RBFOX1: variants seen among roughly 807,000 people sequenced by gnomAD.
RBFOX1 encodes the protein RNA binding protein fox-1 homolog 1.
RBFOX1 carries 8 observed loss-of-function variants against 57.7 expected under a neutral mutation model. The ratio of observed to expected loss-of-function variants is 0.14; its 90% CI spans 0.08 to 0.25. RBFOX1 has a LOEUF of 0.25. Among genes scored for constraint, RBFOX1 ranks in the 10% least tolerant of loss-of-function variants. RBFOX1 has a pLI of 1.00. For missense variants in RBFOX1, 611 were observed against 548.5 expected (o/e 1.11, Z -1.14); for synonymous variants, 326 against 222.4 (o/e 1.47, Z -4.15).
chr16:6,253,795 G>C (rs565412027), intron 1 of RBFOX1, among the ~76,000 whole-genome samples: 97 of 151,890 alleles, frequency 6.4e-4, no homozygotes, highest in African/African-American at 2.2e-3. Flanking sequence ...TCTTTCTTCT[G>C]AGTCGTCTGA....
intron 3 of RBFOX1, among the ~76,000 whole-genome samples, chr16:6,968,631 C>T (rs1276597372): frequency 6.6e-6 from 1 of 152,054 alleles, no homozygotes; most frequent in Non-Finnish European, 1.5e-5. Context: ...TTTGCATTTA[C>T]ACAACGTGCC....
intron 2 of RBFOX1, among the ~76,000 whole-genome samples, chr16:6,391,919 G>C (rs142518170): frequency 1.1e-3 from 165 of 152,290 alleles, no homozygotes; most frequent in African/African-American, 3.4e-3. Flanking sequence ...GCAGCGCTGA[G>C]GAGAGAGTGA....
intron 3 of RBFOX1, among the ~76,000 whole-genome samples, chr16:5,665,300 A>T (rs1596654084): frequency 6.6e-6 from 1 of 152,022 alleles, no homozygotes; most frequent in Non-Finnish European, 1.5e-5. Flanking sequence ...CTCTGCCCCA[A>T]ATAGTCTGCC....
At chr16:6,659,135 C>T (rs1045048679) in intron 3 of RBFOX1, among the ~76,000 whole-genome samples, 2 of 151,784 alleles carry the variant, frequency 1.3e-5, no homozygotes, top group Non-Finnish European at 2.9e-5. Context: ...GGTGTAAAAT[C>T]CACCTGAATT....
intron 1 of RBFOX1, among the ~76,000 whole-genome samples, chr16:6,109,176 T>A (rs2096415942): frequency 6.6e-6 from 1 of 152,182 alleles, no homozygotes; most frequent in Admixed American, 6.5e-5. Flanking sequence ...GTGGCTTTTG[T>A]TTTCTGTGAG....
intron 10 of RBFOX1, among the ~76,000 whole-genome samples, chr16:7,615,303 A>T (rs2058255839): frequency 6.6e-6 from 1 of 151,550 alleles, no homozygotes; most frequent in Non-Finnish European, 1.5e-5. Context: ...ACTGCACTCC[A>T]GCCTGGGCAA....
At chr16:6,167,000 C>G (rs1041918437) in intron 1 of RBFOX1, among the ~76,000 whole-genome samples, 8 of 152,122 alleles carry the variant, frequency 5.3e-5, no homozygotes, top group Non-Finnish European at 1.2e-4. Flanking sequence ...GTCTCAAACT[C>G]CTGACCTCAT....
chr16:6,971,662 G>C (rs1167445226), intron 3 of RBFOX1, among the ~76,000 whole-genome samples: 1 of 152,126 alleles, frequency 6.6e-6, no homozygotes, highest in African/African-American at 2.4e-5. Flanking sequence ...GGAAGCCATT[G>C]CAATAGTCCT....
intron 4 of RBFOX1, among the ~76,000 whole-genome samples, chr16:7,217,156 G>A (rs1307697598): frequency 6.6e-6 from 1 of 150,550 alleles, no homozygotes; most frequent in Non-Finnish European, 1.5e-5. Flanking sequence ...TCAGGGTGGA[G>A]TGCAGTGGCA....
intron 1 of RBFOX1, among the ~76,000 whole-genome samples, chr16:5,463,282 A>G (rs946344023): frequency 4.6e-5 from 7 of 152,126 alleles, no homozygotes; most frequent in African/African-American, 1.7e-4. Context: ...GGGATCACAC[A>G]TACTGAAAAT....
At chr16:7,072,069 T>A (rs1190792241) in intron 4 of RBFOX1, among the ~76,000 whole-genome samples, 2 of 152,206 alleles carry the variant, frequency 1.3e-5, no homozygotes, top group Non-Finnish European at 2.9e-5. Flanking sequence ...CATTCCAACT[T>A]TCTGACCCGT....
chr16:6,512,395 C>A (rs1239201260), intron 2 of RBFOX1, among the ~76,000 whole-genome samples: 1 of 151,614 alleles, frequency 6.6e-6, no homozygotes, highest in African/African-American at 2.4e-5. Context: ...AAAATTCAAG[C>A]CTCGGGTAGG....
At chr16:7,680,062 G>C (rs939325203) in intron 14 of RBFOX1, among the ~76,000 whole-genome samples, 2 of 152,192 alleles carry the variant, frequency 1.3e-5, no homozygotes, top group African/African-American at 4.8e-5. Context: ...AAGCATGGCA[G>C]AGGGGCCTTT....
intron 4 of RBFOX1, among the ~76,000 whole-genome samples, chr16:7,417,026 T>A (rs1385970745): frequency 6.6e-6 from 1 of 150,670 alleles, no homozygotes; most frequent in African/African-American, 2.5e-5. Context: ...TTTGCCTAAA[T>A]TTTTTTTAAA....
At chr16:5,344,334 G>A (rs1226843337) in intron 1 of RBFOX1, among the ~76,000 whole-genome samples, 1 of 152,174 alleles carries the variant, frequency 6.6e-6, no homozygotes, top group Non-Finnish European at 1.5e-5. Context: ...TGTGTCATTG[G>A]TAGGGATGGT....
intron 1 of RBFOX1, among the ~76,000 whole-genome samples, chr16:6,157,391 T>G (rs1003775144): frequency 3.3e-5 from 5 of 152,182 alleles, no homozygotes; most frequent in African/African-American, 1.2e-4. Flanking sequence ...ATATTTTTCC[T>G]TAGTATCAGT....
chr16:6,757,530 C>G (rs989666399), intron 3 of RBFOX1, among the ~76,000 whole-genome samples: 2 of 152,084 alleles, frequency 1.3e-5, no homozygotes, highest in Non-Finnish European at 2.9e-5. Context: ...ATTATGTTAA[C>G]TGAAATAAGC....
At chr16:7,098,136 G>A (rs1031586923) in intron 4 of RBFOX1, among the ~76,000 whole-genome samples, 2 of 152,102 alleles carry the variant, frequency 1.3e-5, no homozygotes, top group African/African-American at 4.8e-5. Context: ...AATGGAAGAT[G>A]GAGGGTAATA....
intron 2 of RBFOX1, among the ~76,000 whole-genome samples, chr16:6,557,163 A>C (rs1476999442): frequency 1.4e-5 from 2 of 143,522 alleles, no homozygotes; most frequent in Non-Finnish European, 3.0e-5. Context: ...ATATATATAC[A>C]CATATATATA....
Sources: gnomAD v4.1 joint callset for allele counts (sites outside exome capture counted in the v4.1 genomes callset) on GRCh38, gnomAD v4.1.1 for gene constraint, MANE v1.5 for transcripts, NCBI Gene and HGNC (gene_info 2026-07-23, HGNC 2026-07-21) for gene names.